SUPT3H: variants seen among roughly 807,000 people sequenced by gnomAD.
SUPT3H encodes the protein SPT3 homolog, SAGA and STAGA complex component, also known as transcription initiation protein SPT3 homolog.
A neutral mutation model predicts 44.3 loss-of-function variants in SUPT3H; 44 were observed. That is an observed-to-expected ratio of 0.99 (90% CI 0.78 to 1.28). The LOEUF is 1.28. Among genes scored for constraint, SUPT3H ranks in the 50% most tolerant of loss-of-function variants. SUPT3H has a pLI of 0.00. For missense variants in SUPT3H, 380 were observed against 387.1 expected, an observed-to-expected ratio of 0.98 and a Z score of 0.15; for synonymous variants, 124 against 125.6, an observed-to-expected ratio of 0.99 and a Z score of 0.09.
At chr6:45,061,192 A>C (rs536695425) in intron 3 of SUPT3H, among the ~76,000 whole-genome samples, 2 of 152,324 alleles carry the variant, frequency 1.3e-5, no homozygotes, top group African/African-American at 4.8e-5. Context: ...ATATGGAATC[A>C]ATCCAAATGC....
chr6:44,858,516 T>C (rs927006091), intron 10 of SUPT3H, among the ~76,000 whole-genome samples: 2 of 152,212 alleles, frequency 1.3e-5, no homozygotes, highest in African/African-American at 4.8e-5. Flanking sequence ...TCAGATTATA[T>C]GCTCGGAGCA....
At chr6:44,892,532 T>A (rs1339414159) in intron 10 of SUPT3H, among the ~76,000 whole-genome samples, 1 of 152,180 alleles carries the variant, frequency 6.6e-6, no homozygotes, top group African/African-American at 2.4e-5. Flanking sequence ...CCTAGCTAAC[T>A]AAGACAAAGT....
At chr6:45,122,330 C>T (rs999871755) in intron 2 of SUPT3H, among the ~76,000 whole-genome samples, 2 of 152,114 alleles carry the variant, frequency 1.3e-5, no homozygotes, top group Non-Finnish European at 2.9e-5. Context: ...TTCAGTATAA[C>T]TACTTAAATT....
At chr6:44,933,133 G>A (rs547631424) in intron 9 of SUPT3H, among the ~76,000 whole-genome samples, 273 of 152,108 alleles carry the variant, frequency 1.8e-3, no homozygotes, top group African/African-American at 6.4e-3. Flanking sequence ...TATTATAAAC[G>A]TTTCTTAGGA....
chr6:44,861,397 T>C (rs567515740), intron 10 of SUPT3H, among the ~76,000 whole-genome samples: 1 of 152,104 alleles, frequency 6.6e-6, no homozygotes, highest in South Asian at 2.1e-4. Context: ...TTCTTTTTGT[T>C]TTTTTTTGAG....
chr6:45,075,235 C>T (rs1298919849), intron 3 of SUPT3H, among the ~76,000 whole-genome samples: 1 of 152,024 alleles, frequency 6.6e-6, no homozygotes, highest in Non-Finnish European at 1.5e-5. Flanking sequence ...CACTTATGTG[C>T]TTGTACATTT....
intron 6 of SUPT3H, among the ~76,000 whole-genome samples, chr6:45,001,896 C>T (rs188478124): frequency 6.6e-6 from 1 of 152,150 alleles, no homozygotes; most frequent in Non-Finnish European, 1.5e-5. Flanking sequence ...GCAGGCAAGG[C>T]CTATGCTCTT....
At chr6:45,319,397 G>C (rs1450475807) in intron 2 of SUPT3H, among the ~76,000 whole-genome samples, 2 of 151,978 alleles carry the variant, frequency 1.3e-5, no homozygotes, top group East Asian at 3.9e-4. Context: ...ACATATTCTT[G>C]CCGGTATATC....
intron 10 of SUPT3H, among the ~76,000 whole-genome samples, chr6:44,848,335 A>G (rs1044113378): frequency 1.3e-5 from 2 of 152,122 alleles, no homozygotes; most frequent in African/African-American, 4.8e-5. Flanking sequence ...ACTTTTCTCA[A>G]CACTGGCTGG....
chr6:45,041,814 A>G (rs888597852), intron 3 of SUPT3H, among the ~76,000 whole-genome samples: 2 of 152,296 alleles, frequency 1.3e-5, no homozygotes, highest in Admixed American at 1.3e-4. Flanking sequence ...CTCAGGACTC[A>G]GTAATTTTTC....
At chr6:45,244,291 C>G (rs2153648738) in intron 2 of SUPT3H, among the ~76,000 whole-genome samples, 1 of 152,308 alleles carries the variant, frequency 6.6e-6, no homozygotes, top group South Asian at 2.1e-4. Context: ...CCTAGATACG[C>G]TCCCACAGTT....
intron 2 of SUPT3H, among the ~76,000 whole-genome samples, chr6:45,275,208 C>T (rs960581560): frequency 6.6e-6 from 1 of 152,046 alleles, no homozygotes; most frequent in Non-Finnish European, 1.5e-5. Flanking sequence ...AAGTAGTGGG[C>T]TTGGTGACTG....
Position 45,223,990 on chromosome 6 carries a change from A to G in SUPT3H, c.102-117984T>C, listed in dbSNP as rs551476855. On this transcript the variant is annotated intron_variant, in intron 2 of 10. Coordinates refer to ENST00000371459, the MANE Select transcript of SUPT3H (RefSeq NM_003599.4). ...CAAGCCTTAATAAAATATATCTAATATCTTAATATATATTAAATATACATA... is the reference window on the plus strand; with the variant it reads ...CAAGCCTTAATAAAATATATCTAATGTCTTAATATATATTAAATATACATA... Among the ~76,000 whole-genome samples, 5 of 148,734 alleles carry G rather than the reference A, an allele frequency of 3.4e-5. No individual in the cohort carries two copies. In the East Asian group the frequency reaches 9.7e-4, roughly 29 times the overall value.
chr6:45,001,015 T>C (rs967167565), intron 6 of SUPT3H, among the ~76,000 whole-genome samples: 2 of 152,116 alleles, frequency 1.3e-5, no homozygotes, highest in African/African-American at 4.8e-5. Flanking sequence ...AAGCAGGTTC[T>C]TAGGCACAGC....
chr6:44,901,396 T>C (rs550022228), intron 10 of SUPT3H, among the ~76,000 whole-genome samples: 8 of 152,268 alleles, frequency 5.3e-5, no homozygotes, highest in African/African-American at 1.7e-4. Flanking sequence ...CAGTAGCCGA[T>C]ATGATCGACT....
chr6:44,894,543 G>C (rs1385621476), intron 10 of SUPT3H, among the ~76,000 whole-genome samples: 1 of 152,040 alleles, frequency 6.6e-6, no homozygotes, highest in African/African-American at 2.4e-5. Flanking sequence ...GATATGCGGT[G>C]TTATTTCTGA....
At chr6:44,946,265 C>T (rs1369586618) in intron 9 of SUPT3H, among the ~76,000 whole-genome samples, 2 of 152,168 alleles carry the variant, frequency 1.3e-5, no homozygotes, top group East Asian at 1.9e-4. Flanking sequence ...ACTGTCTTCA[C>T]AATAGCTAAC....
chr6:44,905,115 G>A (rs1330649526), intron 10 of SUPT3H, among the ~76,000 whole-genome samples: 2 of 152,008 alleles, frequency 1.3e-5, no homozygotes, highest in Non-Finnish European at 2.9e-5. Flanking sequence ...CATGGGCAAG[G>A]ACTTCATGTC....
chr6:45,072,844 T>C (rs1444741699), intron 3 of SUPT3H, among the ~76,000 whole-genome samples: 1 of 152,062 alleles, frequency 6.6e-6, no homozygotes, highest in African/African-American at 2.4e-5. Flanking sequence ...TCTTCAAACT[T>C]GGATACTGGC....
Sources: gnomAD v4.1 joint callset for allele counts (sites outside exome capture counted in the v4.1 genomes callset) on GRCh38, gnomAD v4.1.1 for gene constraint, MANE v1.5 for transcripts, NCBI Gene and HGNC (gene_info 2026-07-23, HGNC 2026-07-21) for gene names.